The following SGCD variants were observed in gnomAD, a reference collection of about 807,000 sequenced individuals.
The protein encoded by SGCD is sarcoglycan delta, also known as delta-sarcoglycan.
A neutral mutation model predicts 36.6 loss-of-function variants in SGCD; 18 were observed. The observed-to-expected ratio is 0.49, with a 90% CI of 0.34 to 0.73. SGCD has a LOEUF of 0.73. SGCD is among the 30% of genes least tolerant of loss of function. The pLI is 0.01. For missense variants in SGCD, 387 were observed against 346.7 expected, an observed-to-expected ratio of 1.12 and a Z score of -0.92; for synonymous variants, 133 against 130.6, an observed-to-expected ratio of 1.02 and a Z score of -0.12.
intron 6 of SGCD, among the ~76,000 whole-genome samples, chr5:156,618,314 A>G (rs1762096960): frequency 1.3e-5 from 2 of 152,206 alleles, no homozygotes; most frequent in South Asian, 4.1e-4. Context: ...TCAACTGTTT[A>G]GAAAGAATTG....
chr5:156,517,140 G>A (rs150940507), intron 4 of SGCD, among the ~76,000 whole-genome samples: 102 of 152,192 alleles, frequency 6.7e-4, no homozygotes, highest in African/African-American at 2.4e-3. Context: ...AGTTTAGAGA[G>A]GAACATAATT....
intron 2 of SGCD, among the ~76,000 whole-genome samples, chr5:156,333,972 G>T (rs1412427244): frequency 6.6e-6 from 1 of 151,170 alleles, no homozygotes; most frequent in Non-Finnish European, 1.5e-5. Flanking sequence ...TTTTTTTACT[G>T]CCTTACTCTG....
At chr5:156,739,979 T>C (rs1756585959) in intron 7 of SGCD, among the ~76,000 whole-genome samples, 1 of 152,248 alleles carries the variant, frequency 6.6e-6, no homozygotes, top group African/African-American at 2.4e-5. Context: ...ATACTTGCCA[T>C]GGACTTTAAT....
At chr5:155,738,717 AGAGAGTGT>A in the SGCD span, among the ~76,000 whole-genome samples, 119 of 135,034 alleles carry the variant, frequency 8.8e-4, no homozygotes, top group African/African-American at 3.0e-3. Flanking sequence ...TGTGAGTGTG[AGAGAGTGT>A]GTGTGAGAGA....
the SGCD span, among the ~76,000 whole-genome samples, chr5:155,728,699 C>CGAGCCG: frequency 6.6e-6 from 1 of 152,076 alleles, no homozygotes; most frequent in African/African-American, 2.4e-5. Context: ...CCCGGACGCT[C>CGAGCCG]GAGCCGGAGC....
chr5:156,475,786 T>C (rs1755153305), intron 3 of SGCD, among the ~76,000 whole-genome samples: 1 of 152,120 alleles, frequency 6.6e-6, no homozygotes, highest in Non-Finnish European at 1.5e-5. Flanking sequence ...AGGAATTCTA[T>C]TAGAATACTA....
intron 4 of SGCD, among the ~76,000 whole-genome samples, chr5:156,551,617 G>A (rs929900940): frequency 4.6e-5 from 7 of 152,124 alleles, no homozygotes; most frequent in African/African-American, 1.7e-4. Flanking sequence ...AAAAGGAAGT[G>A]GGGGAGGAAA....
intron 4 of SGCD, among the ~76,000 whole-genome samples, chr5:156,551,968 T>G (rs1758816977): frequency 2.0e-5 from 3 of 152,216 alleles, no homozygotes; most frequent in Admixed American, 6.5e-5. Context: ...TTTATTTTCC[T>G]ATTCATTTGA....
chr5:155,998,051 G>C (rs1163593381), intron 1 of SGCD, among the ~76,000 whole-genome samples: 1 of 152,212 alleles, frequency 6.6e-6, no homozygotes, highest in Non-Finnish European at 1.5e-5. Flanking sequence ...GTCAGGGACT[G>C]CCTCTAGGTA....
At chr5:155,778,243 G>A in the SGCD span, among the ~76,000 whole-genome samples, 7 of 152,106 alleles carry the variant, frequency 4.6e-5, no homozygotes, top group Non-Finnish European at 1.0e-4. Flanking sequence ...GTCTTGCATG[G>A]CTTAGTTCAG....
intron 4 of SGCD, among the ~76,000 whole-genome samples, chr5:156,562,827 A>G (rs1047725110): frequency 2.0e-5 from 3 of 150,928 alleles, no homozygotes; most frequent in African/African-American, 7.3e-5. Context: ...ATAATAATTT[A>G]TATTCTTATA....
At chr5:155,990,435 G>A (rs1758408863) in intron 1 of SGCD, among the ~76,000 whole-genome samples, 1 of 152,106 alleles carries the variant, frequency 6.6e-6, no homozygotes, top group Admixed American at 6.6e-5. Context: ...TTTTCGGTAA[G>A]GAAAGCACAT....
chr5:155,881,157 A>G (rs1009627477), intron 1 of SGCD, among the ~76,000 whole-genome samples: 5 of 152,106 alleles, frequency 3.3e-5, no homozygotes, highest in Non-Finnish European at 7.4e-5. Context: ...ATCTATCACA[A>G]TTTCCATAAA....
chr5:156,607,766 A>G (rs889050163), intron 6 of SGCD, among the ~76,000 whole-genome samples: 57 of 152,098 alleles, frequency 3.7e-4, no homozygotes, highest in African/African-American at 1.3e-3. Context: ...TTCCTGGTTT[A>G]GTCTTGGGAG....
At chr5:156,127,222 A>G (rs1042342503) in intron 3 of SGCD, among the ~76,000 whole-genome samples, 3 of 152,210 alleles carry the variant, frequency 2.0e-5, no homozygotes, top group African/African-American at 7.2e-5. Flanking sequence ...TAATTACTGC[A>G]TTTGAAATCT....
chr5:155,924,233 G>A (rs1273066249), intron 1 of SGCD, among the ~76,000 whole-genome samples: 19 of 152,136 alleles, frequency 1.2e-4, no homozygotes, highest in Non-Finnish European at 1.0e-4. Context: ...AGCAAACCTA[G>A]GAGGAAATAC....
At chr5:156,236,312 G>C (rs150391162) in intron 3 of SGCD, among the ~76,000 whole-genome samples, 1 of 152,282 alleles carries the variant, frequency 6.6e-6, no homozygotes, top group East Asian at 1.9e-4. Context: ...TGTAAGGACA[G>C]TAATTTTAGC....
intron 1 of SGCD, among the ~76,000 whole-genome samples, chr5:156,012,413 T>G (rs896790991): frequency 6.6e-5 from 10 of 152,220 alleles, no homozygotes; most frequent in Non-Finnish European, 1.3e-4. Context: ...AATTGTCATT[T>G]TAGAATAATT....
intron 7 of SGCD, among the ~76,000 whole-genome samples, chr5:156,732,966 C>T (rs762878615): frequency 1.3e-5 from 2 of 151,892 alleles, no homozygotes; most frequent in Non-Finnish European, 2.9e-5. Context: ...CTTCTCTTTT[C>T]TTCTTTGTCT....
Sources: allele counts gnomAD v4.1 joint callset (sites outside exome capture counted in the v4.1 genomes callset), GRCh38; gene constraint gnomAD v4.1.1; transcripts MANE v1.5; gene names NCBI Gene and HGNC (gene_info 2026-07-23, HGNC 2026-07-21).